The following NBEA variants were observed in gnomAD, a reference collection of about 807,000 sequenced individuals.
NBEA encodes the protein lysosomal-trafficking regulator 2.
NBEA carries 44 observed loss-of-function variants against 343.4 expected under a neutral mutation model. The observed-to-expected ratio is 0.13, with a 90% confidence interval of 0.10 to 0.16. The LOEUF is 0.16. Ranked by LOEUF, NBEA falls within the 10% of genes least tolerant of loss-of-function variation. The pLI is 1.00. For missense variants in NBEA, 2,555 were observed against 3,631.3 expected (o/e 0.70, Z 7.62); for synonymous variants, 1,175 against 1,238.7 (o/e 0.95, Z 1.08).
intron 36 of NBEA, among the ~76,000 whole-genome samples, chr13:35,329,442 A>G (rs775827895): frequency 9.9e-5 from 15 of 151,974 alleles, no homozygotes; most frequent in Admixed American, 2.0e-4. Flanking sequence ...AGTACCCCAA[A>G]TGTACATCAA....
intron 46 of NBEA, among the ~76,000 whole-genome samples, chr13:35,590,487 TA>T (rs1305088704): frequency 6.6e-6 from 1 of 152,134 alleles, no homozygotes; most frequent in South Asian, 2.1e-4. Context: ...TTACCGGAAA[TA>T]AATATAATTC....
intron 1 of NBEA, among the ~76,000 whole-genome samples, chr13:34,969,985 A>G (rs1002066984): frequency 1.3e-5 from 2 of 152,074 alleles, no homozygotes; most frequent in Non-Finnish European, 2.9e-5. Flanking sequence ...ATTTTCTACA[A>G]TGGTTGAGCT....
At chr13:35,390,903 G>A (rs1247971031) in intron 38 of NBEA, among the ~76,000 whole-genome samples, 4 of 151,986 alleles carry the variant, frequency 2.6e-5, no homozygotes, top group African/African-American at 7.2e-5. Context: ...ATACAAAAAT[G>A]CCTGATTGAA....
intron 39 of NBEA, among the ~76,000 whole-genome samples, chr13:35,433,739 T>C (rs530348318): frequency 6.6e-6 from 1 of 152,110 alleles, no homozygotes; most frequent in East Asian, 1.9e-4. Context: ...TAACTAAAAA[T>C]AGCACCTAAG....
At chr13:34,972,511 A>G (rs1055397697) in intron 1 of NBEA, among the ~76,000 whole-genome samples, 4 of 152,162 alleles carry the variant, frequency 2.6e-5, no homozygotes, top group African/African-American at 7.2e-5. Context: ...TGTCCCAGAG[A>G]TTCTGGTACC....
At chr13:35,611,306 A>T (rs991118366) in intron 48 of NBEA, among the ~76,000 whole-genome samples, 2 of 152,248 alleles carry the variant, frequency 1.3e-5, no homozygotes, top group African/African-American at 4.8e-5. Context: ...AGGGATAAAC[A>T]AACTAAAATA....
intron 23 of NBEA, among the ~76,000 whole-genome samples, chr13:35,163,864 G>A (rs540042320): frequency 6.6e-6 from 1 of 152,168 alleles, no homozygotes; most frequent in African/African-American, 2.4e-5. Context: ...CATTGGGGAT[G>A]TGACAAATTG....
intron 10 of NBEA, among the ~76,000 whole-genome samples, chr13:35,083,903 C>CA (rs369466958): frequency 1.5e-3 from 227 of 151,600 alleles, no homozygotes; most frequent in African/African-American, 5.3e-3. Flanking sequence ...AAACAGAAAA[C>CA]AAAAAAAGGC....
chr13:35,654,516 A>G (rs2084712094), intron 53 of NBEA, among the ~76,000 whole-genome samples: 1 of 152,234 alleles, frequency 6.6e-6, no homozygotes, highest in Non-Finnish European at 1.5e-5. Context: ...TGTGATTCTT[A>G]TAAACTAATG....
intron 36 of NBEA, among the ~76,000 whole-genome samples, chr13:35,341,740 G>A (rs1401486548): frequency 1.3e-5 from 2 of 152,112 alleles, no homozygotes; most frequent in East Asian, 1.9e-4. Flanking sequence ...TGTTGGCCAG[G>A]ATTCACAGAA....
chr13:35,328,289 C>T (rs1398749900), intron 36 of NBEA, among the ~76,000 whole-genome samples: 2 of 151,826 alleles, frequency 1.3e-5, no homozygotes, highest in East Asian at 3.9e-4. Flanking sequence ...ATAGGAAGCA[C>T]TTAGGGGTAT....
chr13:35,344,715 A>G (rs2039775460), intron 36 of NBEA, among the ~76,000 whole-genome samples: 2 of 149,970 alleles, frequency 1.3e-5, no homozygotes, highest in Admixed American at 1.3e-4. Flanking sequence ...AAGAAGAAAC[A>G]AAACCCTAAA....
intron 34 of NBEA, among the ~76,000 whole-genome samples, chr13:35,245,071 C>A (rs1052672791): frequency 4.0e-5 from 6 of 151,828 alleles, no homozygotes; most frequent in African/African-American, 1.5e-4. Context: ...ATTTAGATGC[C>A]CTTTATTTCT....
intron 48 of NBEA, among the ~76,000 whole-genome samples, chr13:35,617,865 G>T (rs940583273): frequency 6.6e-6 from 1 of 152,148 alleles, no homozygotes; most frequent in African/African-American, 2.4e-5. Context: ...ACTTGCTGAA[G>T]GAATGTTTAT....
chr13:35,498,171 ATGTATAGGTTAAATACTTCACT>A (rs2076752939), intron 41 of NBEA, among the ~76,000 whole-genome samples: 1 of 152,168 alleles, frequency 6.6e-6, no homozygotes. Context: ...TTTACTGTTT[ATGTATAGGTTAAATACTTCACT>A]TGTAATGTCC....
chr13:35,409,226 A>T (rs2043443232), intron 38 of NBEA, among the ~76,000 whole-genome samples: 1 of 152,076 alleles, frequency 6.6e-6, no homozygotes, highest in Non-Finnish European at 1.5e-5. Context: ...CCATTATCCT[A>T]AGCAAACTAA....
chr13:35,582,708 AATATTCAGG>A (rs2081111355), intron 45 of NBEA, among the ~76,000 whole-genome samples: 2 of 152,192 alleles, frequency 1.3e-5, no homozygotes, highest in Non-Finnish European at 2.9e-5. Flanking sequence ...AAGTAATTTA[AATATTCAGG>A]ATAAGCACCC....
chr13:34,950,068 T>A (rs962995609), intron 1 of NBEA, among the ~76,000 whole-genome samples: 5 of 152,154 alleles, frequency 3.3e-5, no homozygotes, highest in African/African-American at 1.2e-4. Context: ...TTTGATACTC[T>A]TTTAGGGAGT....
chr13:35,070,617 C>G, intron 9 of NBEA, 102 bp from the exon 10 acceptor site: 1 of 1,067,434 alleles, frequency 9.4e-7, no homozygotes, highest in East Asian at 2.8e-5. Flanking sequence ...TAAAAATGTC[C>G]AAGTATGTTA....
Sources: gnomAD v4.1 joint callset for allele counts (sites outside exome capture counted in the v4.1 genomes callset) on GRCh38, gnomAD v4.1.1 for gene constraint, MANE v1.5 for transcripts, NCBI Gene and HGNC (gene_info 2026-07-23, HGNC 2026-07-21) for gene names.